MACROD2: variants seen among roughly 807,000 people sequenced by gnomAD.
The protein encoded by MACROD2 is mono-ADP ribosylhydrolase 2, also known as ADP-ribose glycohydrolase MACROD2.
In MACROD2, 36 loss-of-function variants were observed where a neutral mutation model predicts 70.4. That is an observed-to-expected ratio of 0.51 (90% CI 0.39 to 0.68). The LOEUF (loss-of-function observed/expected upper bound fraction) is 0.68, where lower values mean the gene tolerates loss of function less well. MACROD2 is among the 30% of genes least tolerant of loss of function. MACROD2 has a pLI of 0.00. For synonymous variants in MACROD2, 172 were observed against 178.8 expected (o/e 0.96, Z 0.30); for missense variants, 496 against 538.4 (o/e 0.92, Z 0.78).
intron 3 of MACROD2, among the ~76,000 whole-genome samples, chr20:14,444,305 G>A (rs1057336275): frequency 2.0e-5 from 3 of 152,046 alleles, no homozygotes; most frequent in African/African-American, 7.3e-5. Context: ...TCAATTGAGT[G>A]GTTACTTCTG....
At chr20:14,597,183 G>A (rs1982202413) in intron 4 of MACROD2, among the ~76,000 whole-genome samples, 1 of 152,008 alleles carries the variant, frequency 6.6e-6, no homozygotes, top group Non-Finnish European at 1.5e-5. Flanking sequence ...TCCTTTCTGA[G>A]GATGTAAGTG....
chr20:14,474,110 A>C (rs2084561982), intron 3 of MACROD2, among the ~76,000 whole-genome samples: 1 of 150,714 alleles, frequency 6.6e-6, no homozygotes, highest in South Asian at 2.1e-4. Context: ...TTTTTTTCCC[A>C]TTTTGCCAGT....
At chr20:15,205,528 A>G (rs1182280864) in intron 5 of MACROD2, among the ~76,000 whole-genome samples, 2 of 152,154 alleles carry the variant, frequency 1.3e-5, no homozygotes, top group Non-Finnish European at 2.9e-5. Flanking sequence ...CTTCTGTTGG[A>G]AGTCTGACAA....
chr20:15,551,321 T>C (rs568585106), intron 8 of MACROD2, among the ~76,000 whole-genome samples: 1 of 147,430 alleles, frequency 6.8e-6, no homozygotes, highest in South Asian at 2.2e-4. Context: ...CTATCTGTTA[T>C]CTCTCATTTA....
chr20:15,815,723 T>A (rs2063866778), intron 8 of MACROD2, among the ~76,000 whole-genome samples: 1 of 152,196 alleles, frequency 6.6e-6, no homozygotes, highest in African/African-American at 2.4e-5. Flanking sequence ...TTATCTTTTT[T>A]AAGTTGAAGT....
At chr20:15,895,907 G>T (rs934918946) in intron 10 of MACROD2, among the ~76,000 whole-genome samples, 3 of 152,158 alleles carry the variant, frequency 2.0e-5, no homozygotes, top group Non-Finnish European at 2.9e-5. Flanking sequence ...TATCAGCTGG[G>T]TTTACCACAC....
intron 6 of MACROD2, among the ~76,000 whole-genome samples, chr20:15,351,006 C>T (rs781076943): frequency 6.7e-6 from 1 of 148,248 alleles, no homozygotes; most frequent in Non-Finnish European, 1.5e-5. Context: ...GAAATTTTAC[C>T]TGTATGATTT....
At chr20:14,712,934 T>C (rs1452885048) in intron 5 of MACROD2, among the ~76,000 whole-genome samples, 3 of 152,190 alleles carry the variant, frequency 2.0e-5, no homozygotes, top group African/African-American at 7.2e-5. Flanking sequence ...ATAGTGGGTA[T>C]ATATTTTTTT....
chr20:15,156,180 G>A (rs1163310055), intron 5 of MACROD2, among the ~76,000 whole-genome samples: 2 of 152,130 alleles, frequency 1.3e-5, no homozygotes, highest in African/African-American at 4.8e-5. Context: ...TGGCAAGGAT[G>A]TGAAGGATTA....
At chr20:15,050,118 A>G (rs1025997530) in intron 5 of MACROD2, among the ~76,000 whole-genome samples, 5 of 152,140 alleles carry the variant, frequency 3.3e-5, no homozygotes, top group African/African-American at 1.2e-4. Context: ...GTGTAATTTT[A>G]TTTCCAGTCT....
At chr20:14,057,773 A>G (rs2053647359) in intron 2 of MACROD2, among the ~76,000 whole-genome samples, 1 of 152,228 alleles carries the variant, frequency 6.6e-6, no homozygotes, top group Non-Finnish European at 1.5e-5. Context: ...AAAAATGGCC[A>G]TCAGCAGTAA....
chr20:15,235,627 C>A (rs1397961896), intron 6 of MACROD2, among the ~76,000 whole-genome samples: 1 of 152,206 alleles, frequency 6.6e-6, no homozygotes, highest in East Asian at 1.9e-4. Context: ...ATCTTATTTT[C>A]TTATACAAGT....
At chr20:15,815,345 T>G (rs893308330) in intron 8 of MACROD2, among the ~76,000 whole-genome samples, 1 of 152,206 alleles carries the variant, frequency 6.6e-6, no homozygotes, top group Non-Finnish European at 1.5e-5. Context: ...TTTCGTTTTG[T>G]TATATGCCCC....
rs190514499 is a variant in MACROD2, at chr20:15,149,085, A to G, written c.419-80855A>G. On this transcript the variant is annotated intron_variant, in intron 5 of 17. Coordinates refer to ENST00000684519, the MANE Select transcript of MACROD2 (RefSeq NM_001351661.2). Reference sequence around the variant, plus strand: ...AAAGTGTCTACCTAGACTAAGAGGTATTTTAGTTATTTGACTTGGGGCATG... The same window carrying G: ...AAAGTGTCTACCTAGACTAAGAGGTGTTTTAGTTATTTGACTTGGGGCATG... 9.1e-4 allele frequency among the ~76,000 whole-genome samples: 139 copies of G among 152,098 alleles called. 2 individuals are homozygous for G. The highest frequency in any genetic ancestry group is 3.2e-3 in the African/African-American group (134 of 41,410).
chr20:15,469,412 C>A (rs2046936147), intron 7 of MACROD2, among the ~76,000 whole-genome samples: 1 of 152,092 alleles, frequency 6.6e-6, no homozygotes. Flanking sequence ...AACTGAAAGT[C>A]CATGTTGGGG....
chr20:14,038,156 TGGTG>T (rs1370175688), intron 2 of MACROD2, among the ~76,000 whole-genome samples: 2 of 152,002 alleles, frequency 1.3e-5, no homozygotes. Flanking sequence ...TATCTGGGTG[TGGTG>T]GTGGGTGCTA....
intron 5 of MACROD2, among the ~76,000 whole-genome samples, chr20:15,013,248 C>G (rs1288728823): frequency 6.6e-6 from 1 of 152,064 alleles, no homozygotes; most frequent in Non-Finnish European, 1.5e-5. Context: ...TTGCACAGAC[C>G]TAGCTTTGAG....
At chr20:14,438,469 T>G (rs754276296) in intron 3 of MACROD2, among the ~76,000 whole-genome samples, 2 of 152,222 alleles carry the variant, frequency 1.3e-5, no homozygotes, top group Non-Finnish European at 2.9e-5. Flanking sequence ...TTGTCTTTAA[T>G]TTTTTGAATA....
intron 8 of MACROD2, among the ~76,000 whole-genome samples, chr20:15,598,027 C>A (rs998278314): frequency 5.3e-5 from 1 of 19,018 alleles, no homozygotes; most frequent in African/African-American, 7.2e-4. Flanking sequence ...TGCAGTGAGC[C>A]AAGATTGTGC....
Sources: gnomAD v4.1 joint callset for allele counts (sites outside exome capture counted in the v4.1 genomes callset) on GRCh38, gnomAD v4.1.1 for gene constraint, MANE v1.5 for transcripts, NCBI Gene and HGNC (gene_info 2026-07-23, HGNC 2026-07-21) for gene names.